Variants in GVQW3 observed in about 807,000 individuals in gnomAD.
GVQW3 encodes protein GVQW3.
A neutral mutation model predicts 12.5 loss-of-function variants in GVQW3; 7 were observed. The ratio of observed to expected loss-of-function variants is 0.56; its 90% CI spans 0.32 to 1.05. The LOEUF (loss-of-function observed/expected upper bound fraction) is 1.05, where lower values mean the gene tolerates loss of function less well. GVQW3 is among the 50% of genes least tolerant of loss of function. The pLI is 0.04. For missense variants in GVQW3, 188 were observed against 190.8 expected, an observed-to-expected ratio of 0.99 and a Z score of 0.09; for synonymous variants, 71 against 67.2, an observed-to-expected ratio of 1.06 and a Z score of -0.28.
intron 1 of GVQW3, among the ~76,000 whole-genome samples, chr11:76,400,006 TACACAC>T (rs60192043): frequency 0.018 from 2,481 of 140,446 alleles, 29 homozygotes; most frequent in South Asian, 0.029. Flanking sequence ...TCTCTCTGTA[TACACAC>T]ACACACACAC....
chr11:76,408,680 G>A (rs1051012108), downstream of GVQW3: 2 of 152,214 alleles, frequency 1.3e-5, no homozygotes, highest in Non-Finnish European at 2.9e-5. Flanking sequence ...TTTGCTTGAG[G>A]CCTCCACCCT....
chr11:76,382,545 C>G lies in GVQW3; in HGVS notation c.465+252C>G, dbSNP rs1158842535. ...TTTGGCTGCTCACGTATTTTTCAGT[C>G]TTCACCACTCCTCCCTATGTGCCAT... On this transcript the variant is annotated intron_variant, in intron 1 of 1. Transcript: ENST00000529331. 6.6e-6 allele frequency: 4 copies of G among 603,480 alleles called. No individual in the cohort carries two copies. The Admixed American group carries it at 1.2e-4, about 18-fold the overall frequency. The allele number at this position is 603,480 out of a possible 1,614,324, so 37.4% of individuals were successfully genotyped here. A position where few individuals can be genotyped will look rare whatever the true frequency, so the allele number is the denominator to read the frequency against.
chr11:76,413,712 C>G (rs755590399), exon 2 of GVQW3: 1 of 152,200 alleles, frequency 6.6e-6, no homozygotes, highest in Non-Finnish European at 1.5e-5. Flanking sequence ...TGGGTGAGCC[C>G]ACCTAAATTA....
At chr11:76,390,393 C>G (rs1261859429) in intron 1 of GVQW3, among the ~76,000 whole-genome samples, 1 of 152,186 alleles carries the variant, frequency 6.6e-6, no homozygotes, top group Non-Finnish European at 1.5e-5. Context: ...TGCCATCTAT[C>G]TCATGGAGTT....
intron 1 of GVQW3, among the ~76,000 whole-genome samples, chr11:76,400,764 C>A (rs1590823290): frequency 6.6e-6 from 1 of 151,966 alleles, no homozygotes; most frequent in African/African-American, 2.4e-5. Flanking sequence ...ATCTGTTTGG[C>A]TCTCTCTTTT....
chr11:76,403,984 C>T lies in GVQW3; in HGVS notation c.*226C>T. 1 of 676,034 alleles carries T rather than the reference C, an allele frequency of 1.5e-6. No individual in the cohort carries two copies. The highest frequency in any genetic ancestry group is 2.7e-6 in the Non-Finnish European group (1 of 368,252). 41.9% of individuals were successfully genotyped at this position (676,034 alleles called of 1,614,324 possible). ...GAGGGCTGCCTCTTCATTACTCGGT[C>T]TACCAATTCAAATGCTAATCTCTTC... is the stretch of plus-strand genomic sequence containing the variant. On this transcript the variant is annotated 3_prime_UTR_variant, in exon 2 of 2. Coordinates refer to ENST00000529331, the MANE Select transcript of GVQW3 (RefSeq NM_001347885.2).
intron 1 of GVQW3, chr11:76,382,691 A>G: frequency 2.1e-6 from 1 of 470,792 alleles, no homozygotes; most frequent in South Asian, 3.7e-5. Context: ...CTTTTGCTCA[A>G]CAAGTTTGGA....
At chr11:76,383,948 G>A (rs1020732386) in intron 1 of GVQW3, among the ~76,000 whole-genome samples, 4 of 152,164 alleles carry the variant, frequency 2.6e-5, no homozygotes, top group Non-Finnish European at 5.9e-5. Context: ...CTGAGTCTGT[G>A]AATAGGTTTG....
chr11:76,402,350 T>C (rs894962541), intron 1 of GVQW3, among the ~76,000 whole-genome samples: 2 of 152,080 alleles, frequency 1.3e-5, no homozygotes, highest in African/African-American at 2.4e-5. Flanking sequence ...GTTAGGAGTT[T>C]GAGACCAGCC....
chr11:76,392,411 A>G (rs1946901137), intron 1 of GVQW3: 1 of 152,234 alleles, frequency 6.6e-6, no homozygotes, highest in African/African-American at 2.4e-5. Flanking sequence ...GTGAAAATTC[A>G]GAATTACAAC....
intron 1 of GVQW3, among the ~76,000 whole-genome samples, chr11:76,401,230 C>T (rs1273863212): frequency 5.3e-5 from 8 of 152,038 alleles, no homozygotes; most frequent in African/African-American, 1.9e-4. Flanking sequence ...TAGTCTCTTT[C>T]AGGTGTTTCC....
At position 76,407,435 on chromosome 11, in the gene GVQW3, G is replaced by T. The variant is rs1401781926; in HGVS notation, c.*3677G>T. 3 of 151,882 alleles carry T rather than the reference G, an allele frequency of 2.0e-5. No individual in the cohort carries two copies. The East Asian group carries it at 5.8e-4, about 29-fold the overall frequency. 9.4% of individuals were successfully genotyped at this position (151,882 alleles called of 1,614,324 possible). On this transcript the variant is annotated 3_prime_UTR_variant, in exon 2 of 2. Transcript: ENST00000529331. Reference sequence around the variant, plus strand: ...CTACTAAAAATACAAAAATTAGCTGGGTGTGGTGGTGCATGCCTGTAATCC... The same window carrying T: ...CTACTAAAAATACAAAAATTAGCTGTGTGTGGTGGTGCATGCCTGTAATCC...
chr11:76,385,075 GATGCTGGACCAAGACCC>G (rs1455397650), intron 1 of GVQW3, among the ~76,000 whole-genome samples: 1 of 152,208 alleles, frequency 6.6e-6, no homozygotes, highest in Admixed American at 6.5e-5. Context: ...CCCTGCCAGT[GATGCTGGACCAAGACCC>G]ATGGTGGAGT....
At position 76,404,231 on chromosome 11, in the gene GVQW3, A is replaced by T. The variant is rs1590825430; in HGVS notation, c.*473A>T. The T allele has an allele frequency of 2.6e-6, 1 of 381,608 alleles. No homozygotes were observed. The highest frequency in any genetic ancestry group is 3.8e-5 in the East Asian group (1 of 26,488). 23.6% of individuals were successfully genotyped at this position (381,608 alleles called of 1,614,324 possible). On this transcript the variant is annotated 3_prime_UTR_variant, in exon 2 of 2. Transcript: ENST00000529331. The stretch of plus-strand genomic sequence containing the variant: ...TGACAGTGAACAATTGATTGAGATA[A>T]CTCACTACCTTTGGACCAGCCATCT...
chr11:76,386,308 C>T (rs1342388934), intron 1 of GVQW3, among the ~76,000 whole-genome samples: 1 of 152,316 alleles, frequency 6.6e-6, no homozygotes, highest in East Asian at 1.9e-4. Flanking sequence ...TTCACCAAAT[C>T]TGTGACTTAG....
chr11:76,408,110 A>T lies in GVQW3; in HGVS notation c.*4352A>T, dbSNP rs2134570045. On this transcript the variant is annotated 3_prime_UTR_variant, in exon 2 of 2. Coordinates refer to ENST00000529331, the MANE Select transcript of GVQW3 (RefSeq NM_001347885.2). ...TTAGAAAATATGTATAATGAACATT[A>T]AAATTACTTGTTAAGAAAGAAAGAA... 1 of 152,322 alleles carries T rather than the reference A, an allele frequency of 6.6e-6. No homozygotes were observed. Among genetic ancestry groups the T allele is most frequent in the South Asian group, 2.1e-4 (1 of 4,832 alleles). The allele number at this position is 152,322 out of a possible 1,614,324, so 9.4% of individuals were successfully genotyped here.
chr11:76,390,212 A>C lies in GVQW3; in HGVS notation c.465+7919A>C, dbSNP rs149549533. 1.9e-3 allele frequency: 297 copies of C among 152,334 alleles called. 5 individuals carry two copies. The highest frequency in any genetic ancestry group is 6.7e-3 in the African/African-American group (279 of 41,574). 9.4% of individuals were successfully genotyped at this position (152,334 alleles called of 1,614,324 possible). A position where few individuals can be genotyped will look rare whatever the true frequency, so the allele number is the denominator to read the frequency against. On this transcript the variant is annotated intron_variant, in intron 1 of 1. Transcript: ENST00000529331. Reference sequence around the variant, plus strand: ...ATTTTATAGGCCTATAGCTCATATAATCGCCAAGCTGAAAGAGTTCTTTAA... The same window carrying C: ...ATTTTATAGGCCTATAGCTCATATACTCGCCAAGCTGAAAGAGTTCTTTAA...
intron 1 of GVQW3, 45 bp from the exon 2 acceptor site, chr11:76,403,615 A>G (rs915399163): frequency 2.2e-6 from 1 of 446,810 alleles, no homozygotes; most frequent in Non-Finnish European, 3.9e-6. Flanking sequence ...AACTACAAGC[A>G]TGTGCCACCA....
chr11:76,386,691 G>A (rs1946837703), intron 1 of GVQW3, among the ~76,000 whole-genome samples: 1 of 152,132 alleles, frequency 6.6e-6, no homozygotes. Flanking sequence ...GCTAAATTGT[G>A]TATGTTACTG....
Sources: gnomAD v4.1 joint callset for allele counts (sites outside exome capture counted in the v4.1 genomes callset) on GRCh38, gnomAD v4.1.1 for gene constraint, MANE v1.5 for transcripts, NCBI Gene and HGNC (gene_info 2026-07-23, HGNC 2026-07-21) for gene names.